FSTL5: variants seen among roughly 807,000 people sequenced by gnomAD.
FSTL5 encodes the protein follistatin like 5.
Under a neutral mutation model 89.1 loss-of-function variants are expected in FSTL5, and 62 were observed. That is an observed-to-expected ratio of 0.70 (90% CI 0.57 to 0.86). FSTL5 has a LOEUF of 0.86. Among genes scored for constraint, FSTL5 ranks in the 40% least tolerant of loss-of-function variants. FSTL5 has a pLI of 0.00. For missense variants in FSTL5, 1,057 were observed against 1,001.6 expected (o/e 1.06, Z -0.75); for synonymous variants, 383 against 346.2 (o/e 1.11, Z -1.18).
intron 4 of FSTL5, among the ~76,000 whole-genome samples, chr4:161,811,911 C>T (rs1018910658): frequency 2.6e-5 from 4 of 152,008 alleles, no homozygotes; most frequent in Admixed American, 1.3e-4. Context: ...TAGAATGTTC[C>T]GAGGATCGCT....
At chr4:162,080,439 G>C (rs989676034) in intron 2 of FSTL5, among the ~76,000 whole-genome samples, 2 of 151,510 alleles carry the variant, frequency 1.3e-5, no homozygotes, top group Non-Finnish European at 3.0e-5. Flanking sequence ...CCCACAAAGA[G>C]AAAGAAAGAA....
chr4:161,924,257 A>T (rs2110873923), intron 3 of FSTL5, among the ~76,000 whole-genome samples: 1 of 151,628 alleles, frequency 6.6e-6, no homozygotes, highest in Middle Eastern at 3.4e-3. Context: ...AAGAGATAAA[A>T]ATATTAAAAG....
At chr4:161,902,921 T>C (rs1399026423) in intron 4 of FSTL5, among the ~76,000 whole-genome samples, 2 of 152,160 alleles carry the variant, frequency 1.3e-5, no homozygotes, top group South Asian at 4.1e-4. Context: ...CCTACCCTCA[T>C]ATCTGCTATC....
chr4:161,612,628 T>C (rs1677899359), intron 7 of FSTL5, among the ~76,000 whole-genome samples: 1 of 152,226 alleles, frequency 6.6e-6, no homozygotes, highest in Non-Finnish European at 1.5e-5. Flanking sequence ...GGATGAGAAG[T>C]ATTAAGGACC....
chr4:161,948,821 C>T (rs555156405), intron 3 of FSTL5, among the ~76,000 whole-genome samples: 1 of 151,754 alleles, frequency 6.6e-6, no homozygotes, highest in African/African-American at 2.4e-5. Context: ...CTTATTCCAT[C>T]ATATTCTGAC....
chr4:161,417,612 C>T (rs1036744372), intron 15 of FSTL5, among the ~76,000 whole-genome samples: 2 of 152,180 alleles, frequency 1.3e-5, no homozygotes, highest in African/African-American at 4.8e-5. Flanking sequence ...GCCCGGGGGC[C>T]AGGTTACCTG....
chr4:161,499,932 A>T, intron 12 of FSTL5, 84 bp downstream of exon 12: 1 of 775,160 alleles, frequency 1.3e-6, no homozygotes, highest in Non-Finnish European at 2.3e-6. Context: ...TCATATATGT[A>T]TAGGTTTTGT....
chr4:161,555,743 T>C (rs1428796645), intron 8 of FSTL5, among the ~76,000 whole-genome samples: 1 of 151,670 alleles, frequency 6.6e-6, no homozygotes, highest in Non-Finnish European at 1.5e-5. Flanking sequence ...TCCCAGCCCA[T>C]TGCTAGGCAT....
At chr4:161,994,988 G>C (rs1736246803) in intron 3 of FSTL5, among the ~76,000 whole-genome samples, 1 of 152,074 alleles carries the variant, frequency 6.6e-6, no homozygotes, top group African/African-American at 2.4e-5. Context: ...GTATTGCCTA[G>C]GTTGTCTTCC....
chr4:162,082,797 G>A (rs1215338820), intron 2 of FSTL5, among the ~76,000 whole-genome samples: 1 of 148,246 alleles, frequency 6.7e-6, no homozygotes, highest in Non-Finnish European at 1.5e-5. Context: ...ACTTAAGCAA[G>A]GACATAAAAC....
intron 8 of FSTL5, among the ~76,000 whole-genome samples, chr4:161,557,799 AAG>A (rs932497409): frequency 1.3e-5 from 2 of 151,754 alleles, no homozygotes; most frequent in Non-Finnish European, 2.9e-5. Flanking sequence ...AAATAAATCT[AAG>A]ATATCTTAAA....
At chr4:161,412,251 T>G (rs1313230805) in intron 15 of FSTL5, among the ~76,000 whole-genome samples, 1 of 152,100 alleles carries the variant, frequency 6.6e-6, no homozygotes, top group Non-Finnish European at 1.5e-5. Context: ...GTCATAAAAA[T>G]GGACTTACTA....
chr4:162,035,162 C>A (rs996530040), intron 2 of FSTL5: 1 of 152,082 alleles, frequency 6.6e-6, no homozygotes, highest in Non-Finnish European at 1.5e-5. Flanking sequence ...GTCTTTTATT[C>A]ATTCATTATT....
At position 161,538,166 on chromosome 4, in the gene FSTL5, G is replaced by A. The variant is rs375166819; in HGVS notation, c.1312C>T (p.Leu438=). Residue 438 remains leucine (L), a splice_region_variant and synonymous_variant, in exon 10 of 16, where the codon CTA becomes TTA. Coordinates refer to ENST00000306100, the MANE Select transcript of FSTL5 (RefSeq NM_020116.5). ...LFVEDSARKT[L]ANILWREEGL... is the part of the protein sequence containing the mutation. Reference sequence around the variant, plus strand: ...TGCTGTTGGGTGGTTCTATACATACGGGTCTTTCTAGCAGAGTCTTCCACA... The same window carrying A: ...TGCTGTTGGGTGGTTCTATACATACAGGTCTTTCTAGCAGAGTCTTCCACA... 48 of 1,613,582 alleles carry A rather than the reference G, an allele frequency of 3.0e-5. No homozygotes were observed. The African/African-American group carries it at 3.1e-4, about 10-fold the overall frequency.
intron 7 of FSTL5, among the ~76,000 whole-genome samples, chr4:161,625,057 A>G (rs763959249): frequency 2.0e-5 from 3 of 152,176 alleles, no homozygotes; most frequent in African/African-American, 7.2e-5. Flanking sequence ...AATAGTATAC[A>G]GTATTGTTCA....
chr4:161,992,894 ATATG>A (rs1361601884), intron 3 of FSTL5, among the ~76,000 whole-genome samples: 3 of 20,594 alleles, frequency 1.5e-4, no homozygotes, highest in African/African-American at 3.4e-4. Flanking sequence ...ATATATATAT[ATATG>A]TGTGTGTATA....
intron 5 of FSTL5, among the ~76,000 whole-genome samples, chr4:161,765,277 C>T (rs978349277): frequency 6.6e-6 from 1 of 152,186 alleles, no homozygotes; most frequent in Non-Finnish European, 1.5e-5. Flanking sequence ...GGATTAATTA[C>T]CATGGCATTC....
intron 8 of FSTL5, among the ~76,000 whole-genome samples, chr4:161,563,731 G>C (rs950951091): frequency 3.8e-4 from 57 of 151,768 alleles, no homozygotes; most frequent in African/African-American, 1.4e-3. Context: ...CCAACAATTT[G>C]GCCAGAAAGT....
intron 2 of FSTL5, among the ~76,000 whole-genome samples, chr4:162,062,105 T>C (rs1462023044): frequency 6.6e-6 from 1 of 151,776 alleles, no homozygotes; most frequent in African/African-American, 2.4e-5. Flanking sequence ...ATGTCGAAAT[T>C]TATATATAAC....
Sources: gnomAD v4.1 joint callset for allele counts (sites outside exome capture counted in the v4.1 genomes callset) on GRCh38, gnomAD v4.1.1 for gene constraint, MANE v1.5 for transcripts, NCBI Gene and HGNC (gene_info 2026-07-23, HGNC 2026-07-21) for gene names.